XKR4: variants seen among roughly 807,000 people sequenced by gnomAD.
The protein encoded by XKR4 is XK related 4.
A neutral mutation model predicts 53.9 loss-of-function variants in XKR4; 12 were observed. The observed-to-expected ratio is 0.22, with a 90% CI of 0.14 to 0.36. The LOEUF is 0.36. Ranked by LOEUF, XKR4 falls within the 10% of genes least tolerant of loss-of-function variation. The pLI is 1.00. For synonymous variants in XKR4, 354 were observed against 362.4 expected (o/e 0.98, Z 0.26); for missense variants, 799 against 859.5 (o/e 0.93, Z 0.88).
intron 2 of XKR4, among the ~76,000 whole-genome samples, chr8:55,459,903 ACCCACTAATTCCATT>A (rs1452721841): frequency 2.0e-5 from 3 of 152,086 alleles, no homozygotes; most frequent in African/African-American, 7.2e-5. Flanking sequence ...TTAATGTATG[ACCCACTAATTCCATT>A]CCCAGGTAAC....
intron 2 of XKR4, among the ~76,000 whole-genome samples, chr8:55,457,540 A>C (rs1300094980): frequency 1.3e-5 from 2 of 152,258 alleles, no homozygotes; most frequent in East Asian, 3.8e-4. Context: ...AGTAAATGAA[A>C]ACTGAGAAAA....
rs369319056 is a variant in XKR4, at chr8:55,464,842, A to T, written c.1007-58439A>T. Among the ~76,000 whole-genome samples, 5 of 152,162 alleles carry T rather than the reference A, an allele frequency of 3.3e-5. No individual in the cohort carries two copies. In the East Asian group the frequency reaches 7.7e-4, roughly 23 times the overall value. On this transcript the variant is annotated intron_variant, in intron 2 of 2. Coordinates refer to ENST00000327381, the MANE Select transcript of XKR4 (RefSeq NM_052898.2). ...TCAAAAGCATTCTTATACACCAAAA[A>T]CAGACAAACAGAGAGCCAAATCATG... is the stretch of plus-strand genomic sequence containing the variant.
chr8:55,154,946 G>A (rs1816885049), intron 1 of XKR4, among the ~76,000 whole-genome samples: 1 of 152,178 alleles, frequency 6.6e-6, no homozygotes, highest in African/African-American at 2.4e-5. Context: ...TGTACGACGT[G>A]AGGACCAAAT....
chr8:55,536,592 C>CAG lies in XKR4; in HGVS notation c.*12367_*12368dup, dbSNP rs10663981. On this transcript the variant is annotated 3_prime_UTR_variant, in exon 3 of 3. Transcript: ENST00000327381. The stretch of plus-strand genomic sequence containing the variant: ...TGGGTGTCTGGTGTTTCTGGATAGA[C>CAG]AGACTGCTCCGGTGTTGTAAGTAAT... 0.33 allele frequency: 50,718 copies of CAG among 151,988 alleles called. 8,898 individuals are homozygous for CAG. The highest frequency in any genetic ancestry group is 0.4 in the Middle Eastern group (116 of 292). 9.4% of individuals were successfully genotyped at this position (151,988 alleles called of 1,614,324 possible). A position where few individuals can be genotyped will look rare whatever the true frequency, so the allele number is the denominator to read the frequency against.
chr8:55,211,878 C>T (rs904204021), intron 1 of XKR4, among the ~76,000 whole-genome samples: 3 of 152,144 alleles, frequency 2.0e-5, no homozygotes, highest in African/African-American at 7.2e-5. Flanking sequence ...ATCCTGAGAA[C>T]ATGTGCCCAA....
intron 2 of XKR4, among the ~76,000 whole-genome samples, chr8:55,465,177 A>C (rs1276667376): frequency 6.6e-6 from 1 of 152,186 alleles, no homozygotes; most frequent in South Asian, 2.1e-4. Flanking sequence ...CTGCATTGCC[A>C]AGTCAATCCT....
At chr8:55,162,799 T>C (rs1407548857) in intron 1 of XKR4, among the ~76,000 whole-genome samples, 2 of 152,200 alleles carry the variant, frequency 1.3e-5, no homozygotes, top group African/African-American at 4.8e-5. Context: ...CCAAAGTCTA[T>C]GCTAGGTTCT....
At chr8:55,171,267 C>T (rs973799935) in intron 1 of XKR4, among the ~76,000 whole-genome samples, 1 of 152,034 alleles carries the variant, frequency 6.6e-6, no homozygotes, top group Non-Finnish European at 1.5e-5. Context: ...AATGGTGAGG[C>T]GTTTGATAGA....
chr8:55,505,272 T>C (rs540160865), intron 2 of XKR4, among the ~76,000 whole-genome samples: 3 of 152,348 alleles, frequency 2.0e-5, no homozygotes, highest in Admixed American at 6.5e-5. Context: ...TTTTCATTTT[T>C]ATTTGTCTCA....
intron 2 of XKR4, among the ~76,000 whole-genome samples, chr8:55,365,810 G>A (rs1242306677): frequency 6.6e-6 from 1 of 152,074 alleles, no homozygotes; most frequent in Non-Finnish European, 1.5e-5. Flanking sequence ...CAGGAGATTC[G>A]TAACTGAAGG....
chr8:55,370,726 G>A (rs1323029724), intron 2 of XKR4, among the ~76,000 whole-genome samples: 1 of 152,132 alleles, frequency 6.6e-6, no homozygotes, highest in Non-Finnish European at 1.5e-5. Context: ...ATAAAAGAAA[G>A]ATGACAGCTC....
intron 1 of XKR4, among the ~76,000 whole-genome samples, chr8:55,324,359 G>A (rs1352135530): frequency 1.3e-5 from 2 of 152,206 alleles, no homozygotes; most frequent in Non-Finnish European, 2.9e-5. Context: ...GCCTCCCAAA[G>A]TGCTGGGATT....
chr8:55,440,529 T>TATGC (rs1455589124), intron 2 of XKR4, among the ~76,000 whole-genome samples: 2 of 152,190 alleles, frequency 1.3e-5, no homozygotes, highest in Admixed American at 1.3e-4. Context: ...TTAGGTTAAA[T>TATGC]ATGCACATGA....
chr8:55,313,946 C>A (rs1465371664), intron 1 of XKR4, among the ~76,000 whole-genome samples: 3 of 152,180 alleles, frequency 2.0e-5, no homozygotes, highest in Non-Finnish European at 4.4e-5. Context: ...AGTTTCCTAC[C>A]TTTTCAACGA....
intron 1 of XKR4, among the ~76,000 whole-genome samples, chr8:55,194,404 TC>T (rs1817479745): frequency 6.6e-6 from 1 of 152,158 alleles, no homozygotes; most frequent in Non-Finnish European, 1.5e-5. Flanking sequence ...CTCCCTTCTC[TC>T]CAGCCAGGAT....
chr8:55,157,376 A>T (rs1486266142), intron 1 of XKR4, among the ~76,000 whole-genome samples: 1 of 152,250 alleles, frequency 6.6e-6, no homozygotes, highest in Non-Finnish European at 1.5e-5. Flanking sequence ...ACACTAGATA[A>T]CATGATAAGA....
In XKR4 at chr8:55,470,921, C is replaced by T. The variant is rs778774518; in HGVS notation, c.1007-52360C>T. 4.1e-4 allele frequency among the ~76,000 whole-genome samples: 63 copies of T among 152,096 alleles called. 1 individual carries two copies. The highest frequency in any genetic ancestry group is 7.8e-4 in the Non-Finnish European group (53 of 68,042). Reference sequence around the variant, plus strand: ...AGGTCCACCTGATTTCAAAGCTAGACATGAATCACACTATAATCCTCACCT... The same window carrying T: ...AGGTCCACCTGATTTCAAAGCTAGATATGAATCACACTATAATCCTCACCT... On this transcript the variant is annotated intron_variant, in intron 2 of 2. Transcript: ENST00000327381.
chr8:55,455,797 T>G (rs1252375707), intron 2 of XKR4, among the ~76,000 whole-genome samples: 26 of 152,150 alleles, frequency 1.7e-4, no homozygotes, highest in Admixed American at 1.7e-3. Context: ...GGACTCTGAA[T>G]GTGCTTCCTG....
At chr8:55,261,887 T>TA (rs879520449) in intron 1 of XKR4, among the ~76,000 whole-genome samples, 3 of 148,754 alleles carry the variant, frequency 2.0e-5, no homozygotes, top group Admixed American at 6.7e-5. Context: ...CTTTTTTTTT[T>TA]AAAAAAAAGT....
Sources: allele counts gnomAD v4.1 joint callset (sites outside exome capture counted in the v4.1 genomes callset), GRCh38; gene constraint gnomAD v4.1.1; transcripts MANE v1.5; gene names NCBI Gene and HGNC (gene_info 2026-07-23, HGNC 2026-07-21).